The following UBXN7 variants were observed in gnomAD, a reference collection of about 807,000 sequenced individuals.
UBXN7 encodes the protein UBX domain-containing protein 7.
A neutral mutation model predicts 58.0 loss-of-function variants in UBXN7; 9 were observed. The ratio of observed to expected loss-of-function variants is 0.16; its 90% CI spans 0.09 to 0.27. The LOEUF (loss-of-function observed/expected upper bound fraction) is 0.27, where lower values mean the gene tolerates loss of function less well. Among genes scored for constraint, UBXN7 ranks in the 10% least tolerant of loss-of-function variants. The pLI is 1.00. For synonymous variants in UBXN7, 208 were observed against 205.0 expected (o/e 1.01, Z -0.12); for missense variants, 328 against 599.6 (o/e 0.55, Z 4.73).
intron 3 of UBXN7, among the ~76,000 whole-genome samples, chr3:196,401,767 T>TAAA (rs1482437381): frequency 1.2e-5 from 1 of 82,030 alleles, no homozygotes; most frequent in Non-Finnish European, 2.6e-5. Flanking sequence ...CATCTCTATT[T>TAAA]TAAAAAAAAA....
intron 1 of UBXN7, 41 bp downstream of exon 1, chr3:196,432,286 C>G (rs1731095136): frequency 1.9e-6 from 3 of 1,611,606 alleles, no homozygotes; most frequent in Non-Finnish European, 2.5e-6. Flanking sequence ...GCTGCCCGCT[C>G]CGGACCCCAC....
rs111895117 is a variant in UBXN7, at chr3:196,395,026, A to T, written c.290-1407T>A. Among the ~76,000 whole-genome samples, 429 of 152,312 alleles carry T rather than the reference A, an allele frequency of 2.8e-3. 5 individuals are homozygous for T. The highest frequency in any genetic ancestry group is 9.4e-3 in the African/African-American group (389 of 41,570). On this transcript the variant is annotated intron_variant, in intron 3 of 10. Coordinates refer to ENST00000296328, the MANE Select transcript of UBXN7 (RefSeq NM_015562.2). ...TCTATGTGTTCTTAAACCTAAACAA[A>T]TTACCAGATCATTTATGTACATTAC...
At chr3:196,409,517 G>A (rs1419034324) in intron 1 of UBXN7, among the ~76,000 whole-genome samples, 1 of 151,960 alleles carries the variant, frequency 6.6e-6, no homozygotes, top group African/African-American at 2.4e-5. Flanking sequence ...TGGGTTGAAG[G>A]TACATTTCCT....
chr3:196,351,690 G>C lies in UBXN7; in HGVS notation c.*4995C>G, dbSNP rs1198319711. On this transcript the variant is annotated 3_prime_UTR_variant, in exon 11 of 11. Coordinates refer to ENST00000296328, the MANE Select transcript of UBXN7 (RefSeq NM_015562.2). ...CTCATTTTTCAGACGAGAAACCAGAGATTAAGAAGAAAGAGAAGTGTGAAG... is the reference window on the plus strand; with the variant it reads ...CTCATTTTTCAGACGAGAAACCAGACATTAAGAAGAAAGAGAAGTGTGAAG... The C allele has an allele frequency of 3.3e-5, 5 of 152,114 alleles. No homozygotes were observed. Among genetic ancestry groups the C allele is most frequent in the African/African-American group, 1.2e-4 (5 of 41,410 alleles). 9.4% of individuals were successfully genotyped at this position (152,114 alleles called of 1,614,324 possible).
At chr3:196,413,334 G>A (rs1206542156) in intron 1 of UBXN7, among the ~76,000 whole-genome samples, 2 of 151,804 alleles carry the variant, frequency 1.3e-5, no homozygotes, top group Non-Finnish European at 2.9e-5. Flanking sequence ...GCGAAACTCT[G>A]TCTCAAAAAA....
At chr3:196,431,968 AAGG>A (rs1023401914) in intron 1 of UBXN7, 58 of 448,644 alleles carry the variant, frequency 1.3e-4, no homozygotes, top group East Asian at 2.3e-4. Flanking sequence ...GAAGATGATG[AAGG>A]AGGAGGAGGA....
At chr3:196,422,839 C>T (rs1730730032) in intron 1 of UBXN7, among the ~76,000 whole-genome samples, 1 of 152,222 alleles carries the variant, frequency 6.6e-6, no homozygotes, top group African/African-American at 2.4e-5. Context: ...TATAATGTCC[C>T]CAAACTGGAA....
chr3:196,423,677 C>G (rs1346727102), intron 1 of UBXN7, among the ~76,000 whole-genome samples: 2 of 152,102 alleles, frequency 1.3e-5, no homozygotes, highest in Non-Finnish European at 2.9e-5. Flanking sequence ...GCCTGGCCTC[C>G]AACCCCCATC....
chr3:196,377,045 CAAAAAAAAA>C (rs1159006266), intron 5 of UBXN7, among the ~76,000 whole-genome samples: 1 of 69,322 alleles, frequency 1.4e-5, no homozygotes, highest in Non-Finnish European at 3.3e-5. Flanking sequence ...GACTCTGTCT[CAAAAAAAAA>C]AAAAAAAAGG....
At chr3:196,375,318 T>A (rs1422697720) in intron 5 of UBXN7, among the ~76,000 whole-genome samples, 3 of 151,538 alleles carry the variant, frequency 2.0e-5, no homozygotes, top group Non-Finnish European at 4.4e-5. Context: ...ATGTTATACA[T>A]CTTAAATATG....
chr3:196,428,992 G>A (rs1372265374), intron 1 of UBXN7, among the ~76,000 whole-genome samples: 8 of 142,730 alleles, frequency 5.6e-5, no homozygotes, highest in African/African-American at 1.0e-4. Flanking sequence ...GCAACAAAGA[G>A]AGGAGACCTC....
At chr3:196,363,522 T>C (rs543630582) in intron 8 of UBXN7, among the ~76,000 whole-genome samples, 7 of 151,662 alleles carry the variant, frequency 4.6e-5, no homozygotes, top group African/African-American at 9.7e-5. Flanking sequence ...GAGAAAGGCA[T>C]GTGGAAAGCT....
chr3:196,363,904 A>G (rs1188471074), intron 8 of UBXN7, among the ~76,000 whole-genome samples: 2 of 151,734 alleles, frequency 1.3e-5, no homozygotes, highest in Non-Finnish European at 2.9e-5. Flanking sequence ...GCCTGGTGAC[A>G]GAGCGAGACT....
At chr3:196,392,067 A>G in intron 4 of UBXN7, 142 bp from the exon 5 acceptor site, 1 of 519,114 alleles carries the variant, frequency 1.9e-6, no homozygotes, top group Non-Finnish European at 3.3e-6. Flanking sequence ...TCTAATGTTG[A>G]CTCTGAAAAA....
At chr3:196,389,449 G>T (rs1350700799) in intron 5 of UBXN7, among the ~76,000 whole-genome samples, 1 of 152,216 alleles carries the variant, frequency 6.6e-6, no homozygotes, top group Non-Finnish European at 1.5e-5. Flanking sequence ...TTCTGATTCA[G>T]AAAATTGAAA....
intron 5 of UBXN7, among the ~76,000 whole-genome samples, chr3:196,376,734 GT>G (rs1244765024): frequency 6.6e-6 from 1 of 151,488 alleles, no homozygotes; most frequent in South Asian, 2.1e-4. Flanking sequence ...TAAAATGTGG[GT>G]TTTTTTTCCT....
At chr3:196,410,938 TTTC>T (rs906024560) in intron 1 of UBXN7, among the ~76,000 whole-genome samples, 4 of 152,170 alleles carry the variant, frequency 2.6e-5, no homozygotes, top group Admixed American at 1.3e-4. Context: ...TGGCTTTGCC[TTTC>T]TTCTTCCTCA....
chr3:196,403,175 G>T (rs1359695782), intron 2 of UBXN7, among the ~76,000 whole-genome samples, 156 bp from the exon 3 acceptor site: 1 of 152,066 alleles, frequency 6.6e-6, no homozygotes, highest in African/African-American at 2.4e-5. Flanking sequence ...GGGGGGCGGT[G>T]GAGACAGTGT....
At chr3:196,396,358 C>A (rs982674213) in intron 3 of UBXN7, among the ~76,000 whole-genome samples, 2 of 147,968 alleles carry the variant, frequency 1.4e-5, no homozygotes, top group Non-Finnish European at 3.0e-5. Flanking sequence ...CCAAGGAGTT[C>A]GAGTACAGTC....
Sources: allele counts gnomAD v4.1 joint callset (sites outside exome capture counted in the v4.1 genomes callset), GRCh38; gene constraint gnomAD v4.1.1; transcripts MANE v1.5; gene names NCBI Gene and HGNC (gene_info 2026-07-23, HGNC 2026-07-21).